LRRFIP2: variants seen among roughly 807,000 people sequenced by gnomAD.
LRRFIP2 encodes LRR binding FLII interacting protein 2.
Under a neutral mutation model 125.9 loss-of-function variants are expected in LRRFIP2, and 109 were observed. That is an observed-to-expected ratio of 0.87 (90% CI 0.74 to 1.01). The LOEUF is 1.01. Among genes scored for constraint, LRRFIP2 ranks in the 50% least tolerant of loss-of-function variants. The pLI, the probability that LRRFIP2 is intolerant of heterozygous loss-of-function variation, is 0.00. For missense variants in LRRFIP2, 850 were observed against 862.3 expected, an observed-to-expected ratio of 0.99 and a Z score of 0.18; for synonymous variants, 291 against 293.1, an observed-to-expected ratio of 0.99 and a Z score of 0.07.
At chr3:37,090,214 CTTTT>C (rs948644694) in intron 18 of LRRFIP2, among the ~76,000 whole-genome samples, 3 of 124,770 alleles carry the variant, frequency 2.4e-5, no homozygotes, top group African/African-American at 5.5e-5. Flanking sequence ...GTGTATTTTA[CTTTT>C]TTTGTTTGTT....
chr3:37,150,283 T>G (rs554302312), intron 1 of LRRFIP2, among the ~76,000 whole-genome samples: 1 of 152,040 alleles, frequency 6.6e-6, no homozygotes, highest in Non-Finnish European at 1.5e-5. Flanking sequence ...ACCAACATGG[T>G]GAAACCCCAT....
chr3:37,109,414 C>T (rs987514700), intron 11 of LRRFIP2, 113 bp downstream of exon 11: 11 of 1,130,110 alleles, frequency 9.7e-6, no homozygotes, highest in Middle Eastern at 2.6e-4. Flanking sequence ...GTATACATGA[C>T]ACTAAAATCA....
chr3:37,055,813 C>T (rs1384046509), intron 25 of LRRFIP2, among the ~76,000 whole-genome samples: 1 of 152,168 alleles, frequency 6.6e-6, no homozygotes, highest in African/African-American at 2.4e-5. Flanking sequence ...AGCCTCCCTG[C>T]CCACGGGACT....
At chr3:37,063,639 T>A in intron 24 of LRRFIP2, 103 bp downstream of exon 24, 1 of 838,040 alleles carries the variant, frequency 1.2e-6, no homozygotes, top group Non-Finnish European at 2.1e-6. Context: ...TGAGTACTGA[T>A]GTTTGAAAGA....
At chr3:37,101,265 G>A (rs2094024968) in intron 15 of LRRFIP2, among the ~76,000 whole-genome samples, 1 of 151,950 alleles carries the variant, frequency 6.6e-6, no homozygotes. Flanking sequence ...GCTGAGGCAG[G>A]AGAATCACTT....
intron 21 of LRRFIP2, among the ~76,000 whole-genome samples, chr3:37,070,333 C>T (rs113524215): frequency 2.0e-5 from 3 of 149,644 alleles, no homozygotes; most frequent in Non-Finnish European, 3.0e-5. Flanking sequence ...AGGCTGGTCT[C>T]GAACTCTTGA....
intron 1 of LRRFIP2, among the ~76,000 whole-genome samples, chr3:37,157,068 G>T (rs1182231536): frequency 6.6e-6 from 1 of 152,182 alleles, no homozygotes; most frequent in Non-Finnish European, 1.5e-5. Context: ...GGCAGAGGTT[G>T]CAGTGAGCCA....
At position 37,084,139 on chromosome 3, in the gene LRRFIP2, T is replaced by G. The variant is rs376865323; in HGVS notation, c.1108-333A>C. Among the ~76,000 whole-genome samples the G allele has an allele frequency of 8.5e-4, 130 of 152,308 alleles. No individual in the cohort carries two copies. In the Middle Eastern group the frequency reaches 0.01, roughly 12 times the overall value. Reference sequence around the variant, plus strand: ...TCATCAATATTTTCAGAAATTTTACTCTTATAATTTTAATAACAGACTGGT... The same window carrying G: ...TCATCAATATTTTCAGAAATTTTACGCTTATAATTTTAATAACAGACTGGT... On this transcript the variant is annotated intron_variant, in intron 18 of 27. Transcript: ENST00000336686.
In LRRFIP2 at chr3:37,129,080, C is replaced by G. The variant is rs756684288; in HGVS notation, c.160G>C (p.Glu54Gln). 10 of 1,613,892 alleles carry G rather than the reference C, an allele frequency of 6.2e-6. No individual in the cohort carries two copies. The South Asian group carries it at 9.9e-5, about 16-fold the overall frequency. The change falls in exon 3 of 28, where the codon GAA becomes CAA. Residue 54 changes from glutamate (E) to glutamine (Q), a missense_variant. Physicochemically the swap from Glu to Gln is conservative, Grantham distance 29 (BLOSUM62 2). Coordinates refer to ENST00000336686, the MANE Select transcript of LRRFIP2 (RefSeq NM_006309.4). ...EARDIRMREL[E>Q]RQQKEYSLHS... ...CAAATTACCTCTTTTTGTTGTCGTT[C>G]CAGTTCTCTCATGCGTATATCTCTT...
chr3:37,097,950 T>A (rs987339353), intron 15 of LRRFIP2, among the ~76,000 whole-genome samples: 5 of 152,230 alleles, frequency 3.3e-5, no homozygotes, highest in Admixed American at 3.3e-4. Flanking sequence ...ACAAACCTTC[T>A]AGACCCAATC....
intron 24 of LRRFIP2, among the ~76,000 whole-genome samples, chr3:37,062,713 C>T (rs2089123801): frequency 6.6e-6 from 1 of 152,134 alleles, no homozygotes; most frequent in African/African-American, 2.4e-5. Flanking sequence ...ACCATGGCAA[C>T]TCAGGATTCT....
chr3:37,149,069 G>T, intron 1 of LRRFIP2, 31 bp from the exon 2 acceptor site: 1 of 1,529,726 alleles, frequency 6.5e-7, no homozygotes, highest in Non-Finnish European at 8.8e-7. Flanking sequence ...ATAACTTAAG[G>T]TATTTCTTTG....
chr3:37,166,362 A>C (rs549412600), intron 1 of LRRFIP2, among the ~76,000 whole-genome samples: 2 of 152,212 alleles, frequency 1.3e-5, no homozygotes, highest in Middle Eastern at 3.4e-3. Context: ...AAAATAAAAT[A>C]AAAACAAAAC....
intron 2 of LRRFIP2, among the ~76,000 whole-genome samples, chr3:37,137,954 C>G (rs2095599261): frequency 6.6e-6 from 1 of 152,210 alleles, no homozygotes. Flanking sequence ...TCCATCCTCT[C>G]CATCTACTCC....
At chr3:37,160,323 T>C (rs2096302526) in intron 1 of LRRFIP2, among the ~76,000 whole-genome samples, 1 of 152,154 alleles carries the variant, frequency 6.6e-6, no homozygotes, top group Admixed American at 6.5e-5. Flanking sequence ...CCCCACCTAC[T>C]TTCAAACCAA....
rs2093647153 is a variant in LRRFIP2 at position 37,094,924 on chromosome 3, T to C, written c.919-16A>G. 2 of 1,436,920 alleles carry C rather than the reference T, an allele frequency of 1.4e-6. No individual in the cohort carries two copies. The highest frequency in any genetic ancestry group is 2.3e-5 in the East Asian group (1 of 44,044). 89.0% of individuals were successfully genotyped at this position (1,436,920 alleles called of 1,614,324 possible). A position where few individuals can be genotyped will look rare whatever the true frequency, so the allele number is the denominator to read the frequency against. On this transcript the variant is annotated splice_polypyrimidine_tract_variant and intron_variant, in intron 16 of 27. Coordinates refer to ENST00000336686, the MANE Select transcript of LRRFIP2 (RefSeq NM_006309.4). The stretch of plus-strand genomic sequence containing the variant: ...GAGATGAAGGCTAGAAAGAGAAATA[T>C]GACCCTTCTAAGTCTCATTTCTTTA...
chr3:37,072,081 G>A (rs2091295641), intron 21 of LRRFIP2, among the ~76,000 whole-genome samples: 1 of 152,104 alleles, frequency 6.6e-6, no homozygotes, highest in South Asian at 2.1e-4. Flanking sequence ...TATACACCAA[G>A]GATTTATAGG....
At chr3:37,145,688 G>C (rs2095840498) in intron 2 of LRRFIP2, among the ~76,000 whole-genome samples, 1 of 152,162 alleles carries the variant, frequency 6.6e-6, no homozygotes, top group South Asian at 2.1e-4. Context: ...TGAGAATCAA[G>C]ATGTGAAACT....
intron 21 of LRRFIP2, among the ~76,000 whole-genome samples, chr3:37,070,206 C>T (rs987658109): frequency 8.6e-5 from 13 of 151,434 alleles, no homozygotes; most frequent in Admixed American, 4.6e-4. Context: ...CTTGGCCTCC[C>T]GGATTCAAGT....
Sources: allele counts gnomAD v4.1 joint callset (sites outside exome capture counted in the v4.1 genomes callset), GRCh38; gene constraint gnomAD v4.1.1; transcripts MANE v1.5; gene names NCBI Gene and HGNC (gene_info 2026-07-23, HGNC 2026-07-21).